Variants in GPCPD1 observed in about 807,000 individuals in gnomAD.
GPCPD1 encodes the protein glycerophosphocholine phosphodiesterase 1.
In GPCPD1, 29 loss-of-function variants were observed where a neutral mutation model predicts 89.2. The ratio of observed to expected loss-of-function variants is 0.33; its 90% CI spans 0.24 to 0.44. The LOEUF is 0.44. Ranked by LOEUF, GPCPD1 falls within the 20% of genes least tolerant of loss-of-function variation. GPCPD1 has a pLI of 1.00. For missense variants in GPCPD1, 594 were observed against 808.9 expected, an observed-to-expected ratio of 0.73 and a Z score of 3.22; for synonymous variants, 258 against 266.3, an observed-to-expected ratio of 0.97 and a Z score of 0.30.
At chr20:5,589,589 G>T (rs757938270) in intron 4 of GPCPD1, among the ~76,000 whole-genome samples, 1 of 152,102 alleles carries the variant, frequency 6.6e-6, no homozygotes, top group African/African-American at 2.4e-5. Flanking sequence ...CAACAAGAGC[G>T]AAACTCCATC....
chr20:5,559,724 G>A (rs968746868), intron 17 of GPCPD1, among the ~76,000 whole-genome samples: 29 of 152,110 alleles, frequency 1.9e-4, no homozygotes, highest in African/African-American at 6.0e-4. Context: ...TAAAATAAAG[G>A]GTGTAAGGCT....
At chr20:5,556,380 A>T (rs1376715177) in intron 19 of GPCPD1, among the ~76,000 whole-genome samples, 1 of 152,058 alleles carries the variant, frequency 6.6e-6, no homozygotes, top group Non-Finnish European at 1.5e-5. Context: ...TAATTTTTGT[A>T]TTTTTAGTAG....
chr20:5,581,494 G>T (rs138386978), intron 6 of GPCPD1, among the ~76,000 whole-genome samples: 1 of 152,274 alleles, frequency 6.6e-6, no homozygotes, highest in East Asian at 1.9e-4. Context: ...ATATTCAGCT[G>T]CAACTAGTTA....
rs186682646 is a variant in GPCPD1, at chr20:5,582,845, C to T, written c.349+1436G>A. Among the ~76,000 whole-genome samples, 688 of 151,258 alleles carry T rather than the reference C, an allele frequency of 4.5e-3. 5 individuals are homozygous for T. The highest frequency in any genetic ancestry group is 0.01 in the Middle Eastern group (3 of 294). ...TGGAGGCTGCAGCAAGCGGAGATTGCGCCACTGCATTCCAGCCTGGGTGAC... is the reference window on the plus strand; with the variant it reads ...TGGAGGCTGCAGCAAGCGGAGATTGTGCCACTGCATTCCAGCCTGGGTGAC... On this transcript the variant is annotated intron_variant, in intron 6 of 19. Transcript: ENST00000379019.
intron 19 of GPCPD1, among the ~76,000 whole-genome samples, chr20:5,552,099 G>T (rs1985447736): frequency 6.6e-6 from 1 of 151,902 alleles, no homozygotes; most frequent in Non-Finnish European, 1.5e-5. Flanking sequence ...AGAAATTATT[G>T]GTATTTTATT....
Position 5,560,017 on chromosome 20 carries a change from T to C in GPCPD1, c.1455A>G (p.Ile485Met). Residue 485 changes from isoleucine to methionine, a missense_variant, in exon 17 of 20, where the codon ATA becomes ATG. Transcript: ENST00000379019. ...TYFDMNLFLD[I>M]ILKTVLENSG... The stretch of plus-strand genomic sequence containing the variant: ...AATTTTCTAAAACAGTTTTTAAAAT[T>C]ATATCCAAAAACAGATTCATGTCAA... 2 of 1,579,580 alleles carry C rather than the reference T, an allele frequency of 1.3e-6. No individual in the cohort carries two copies. Among genetic ancestry groups the C allele is most frequent in the Non-Finnish European group, 1.7e-6 (2 of 1,156,174 alleles).
At chr20:5,555,672 A>G (rs1019153740) in intron 19 of GPCPD1, among the ~76,000 whole-genome samples, 2 of 152,220 alleles carry the variant, frequency 1.3e-5, no homozygotes, top group African/African-American at 4.8e-5. Flanking sequence ...CCTGGCCAAC[A>G]TGGCAAAACC....
chr20:5,573,993 CATAGACT>C, intron 10 of GPCPD1, 24 bp from the exon 11 acceptor site: 1 of 1,154,658 alleles, frequency 8.7e-7, no homozygotes, highest in South Asian at 1.2e-5. Flanking sequence ...ATACAGTTAA[CATAGACT>C]ATAGAGAAGA....
intron 16 of GPCPD1, 37 bp downstream of exon 16, chr20:5,561,428 A>C: frequency 1.8e-6 from 2 of 1,134,950 alleles, no homozygotes; most frequent in Non-Finnish European, 2.7e-6. Context: ...AGATAGGCAT[A>C]GAGAGTATAG....
chr20:5,566,835 A>C, intron 13 of GPCPD1, 63 bp from the exon 14 acceptor site: 1 of 1,010,756 alleles, frequency 9.9e-7, no homozygotes, highest in East Asian at 2.4e-5. Context: ...GAGATGGTTA[A>C]CAGAAAATAT....
intron 3 of GPCPD1, among the ~76,000 whole-genome samples, chr20:5,594,130 G>C (rs111983048): frequency 4.6e-5 from 7 of 152,302 alleles, no homozygotes; most frequent in African/African-American, 1.7e-4. Context: ...CTGAGTTTTA[G>C]CTTCAAATAA....
In GPCPD1 at chr20:5,557,859, T is replaced by A. The variant is rs1253284689; in HGVS notation, c.1829+86A>T. On this transcript the variant is annotated intron_variant, in intron 19 of 19. Coordinates refer to ENST00000379019, the MANE Select transcript of GPCPD1 (RefSeq NM_019593.5). ...CAGGCTGAACTGCAGAATTTTAACT[T>A]AACTAAGTTTAATTTTATTTATAAT... The A allele has an allele frequency of 5.3e-6, 4 of 754,550 alleles. No homozygotes were observed. The Admixed American group carries it at 9.0e-5, about 17-fold the overall frequency. The allele number at this position is 754,550 out of a possible 1,614,324, so 46.7% of individuals were successfully genotyped here.
At chr20:5,553,142 G>A (rs570793989) in intron 19 of GPCPD1, among the ~76,000 whole-genome samples, 6 of 152,236 alleles carry the variant, frequency 3.9e-5, no homozygotes, top group African/African-American at 1.4e-4. Flanking sequence ...GTCTGTTGGT[G>A]CCATTTTCCC....
chr20:5,598,833 G>T lies in GPCPD1; in HGVS notation c.50-12C>A. On this transcript the variant is annotated splice_polypyrimidine_tract_variant and intron_variant, in intron 2 of 19. Transcript: ENST00000379019. ...CGCAAAAACTTCTCCTAAAGAAACA[G>T]AACAATCAGTCACAGAGAAACAGAA... The T allele has an allele frequency of 6.5e-7, 1 of 1,527,602 alleles. No individual in the cohort carries two copies. Among genetic ancestry groups the T allele is most frequent in the Non-Finnish European group, 9.1e-7 (1 of 1,101,838 alleles). 94.6% of individuals were successfully genotyped at this position (1,527,602 alleles called of 1,614,324 possible).
chr20:5,595,807 G>A (rs959454925), intron 3 of GPCPD1, among the ~76,000 whole-genome samples: 1 of 54,936 alleles, frequency 1.8e-5, no homozygotes, highest in African/African-American at 7.4e-5. Context: ...AAGAAAAAAA[G>A]GGGGGGGGAC....
intron 10 of GPCPD1, among the ~76,000 whole-genome samples, chr20:5,575,040 A>G (rs1978286038): frequency 6.6e-6 from 1 of 152,192 alleles, no homozygotes; most frequent in Non-Finnish European, 1.5e-5. Context: ...GTTTAGTCAC[A>G]CTTTTCTAGA....
intron 15 of GPCPD1, among the ~76,000 whole-genome samples, chr20:5,564,088 C>A (rs531237636): frequency 6.6e-6 from 1 of 152,132 alleles, no homozygotes; most frequent in East Asian, 1.9e-4. Flanking sequence ...GTCGGTGGAA[C>A]AAAAGCAGAG....
At chr20:5,560,129 T>C (rs1986006262) in intron 16 of GPCPD1, 53 bp from the exon 17 acceptor site, 7 of 1,317,566 alleles carry the variant, frequency 5.3e-6, no homozygotes, top group South Asian at 3.3e-5. Context: ...AAATCAGTGC[T>C]AGCAACTCTG....
chr20:5,575,693 G>T (rs1978287147), intron 9 of GPCPD1, 123 bp downstream of exon 9: 13 of 861,366 alleles, frequency 1.5e-5, no homozygotes, highest in Non-Finnish European at 2.0e-5. Flanking sequence ...TAACAGACAT[G>T]CTCCTTAAAT....
Sources: gnomAD v4.1 joint callset for allele counts (sites outside exome capture counted in the v4.1 genomes callset) on GRCh38, gnomAD v4.1.1 for gene constraint, MANE v1.5 for transcripts, NCBI Gene and HGNC (gene_info 2026-07-23, HGNC 2026-07-21) for gene names.